HS6ST3: variants seen among roughly 807,000 people sequenced by gnomAD.
The protein encoded by HS6ST3 is heparan-sulfate 6-O-sulfotransferase 3.
In HS6ST3, 12 loss-of-function variants were observed where a neutral mutation model predicts 36.7. The ratio of observed to expected loss-of-function variants is 0.33; its 90% CI spans 0.21 to 0.53. The LOEUF (loss-of-function observed/expected upper bound fraction) is 0.53, where lower values mean the gene tolerates loss of function less well. Among genes scored for constraint, HS6ST3 ranks in the 20% least tolerant of loss-of-function variants. HS6ST3 has a pLI of 0.95. For missense variants in HS6ST3, 584 were observed against 640.9 expected (o/e 0.91, Z 0.96); for synonymous variants, 240 against 257.5 (o/e 0.93, Z 0.65).
Position 96,312,200 on chromosome 13 carries a change from C to G in HS6ST3, c.707+220631C>G, listed in dbSNP as rs1480816363. On this transcript the variant is annotated intron_variant, in intron 1 of 1. Coordinates refer to ENST00000376705, the MANE Select transcript of HS6ST3 (RefSeq NM_153456.4). The stretch of plus-strand genomic sequence containing the variant: ...GTCCACTTAACCCAATAGTATCCAG[C>G]CCCTCTTCATTTCTAAGTAATGCTT... Among the ~76,000 whole-genome samples, 4 of 152,128 alleles carry G rather than the reference C, an allele frequency of 2.6e-5. No homozygotes were observed. The East Asian group carries it at 7.7e-4, about 29-fold the overall frequency.
chr13:96,263,656 C>T (rs886905082), intron 1 of HS6ST3, among the ~76,000 whole-genome samples: 2 of 152,234 alleles, frequency 1.3e-5, no homozygotes, highest in Admixed American at 6.5e-5. Flanking sequence ...GCCCATGATA[C>T]ATAGTTCTTA....
chr13:96,694,719 A>T (rs946728719), intron 1 of HS6ST3, among the ~76,000 whole-genome samples: 2 of 152,158 alleles, frequency 1.3e-5, no homozygotes, highest in Non-Finnish European at 2.9e-5. Context: ...TGACTTTTTA[A>T]TAATAGCCAT....
intron 1 of HS6ST3, among the ~76,000 whole-genome samples, chr13:96,451,783 T>C (rs1050781679): frequency 3.3e-5 from 5 of 152,218 alleles, no homozygotes; most frequent in Non-Finnish European, 5.9e-5. Context: ...ATTTTTGTGA[T>C]AATGAGAGGT....
At chr13:96,699,095 T>C (rs1000679924) in intron 1 of HS6ST3, among the ~76,000 whole-genome samples, 1 of 152,128 alleles carries the variant, frequency 6.6e-6, no homozygotes, top group East Asian at 1.9e-4. Flanking sequence ...ATACAAAAAT[T>C]AATTCAAGCT....
Position 96,550,979 on chromosome 13 carries a change from C to T in HS6ST3, c.708-281511C>T, listed in dbSNP as rs894930501. Among the ~76,000 whole-genome samples, 6 of 152,126 alleles carry T rather than the reference C, an allele frequency of 3.9e-5. No homozygotes were observed. The East Asian group carries it at 1.2e-3, about 29-fold the overall frequency. On this transcript the variant is annotated intron_variant, in intron 1 of 1. Coordinates refer to ENST00000376705, the MANE Select transcript of HS6ST3 (RefSeq NM_153456.4). ...GTAATTATAAAATTATTAACATCAA[C>T]TTTCAGTTATCTTTAGACTTCAAAG...
intron 1 of HS6ST3, among the ~76,000 whole-genome samples, chr13:96,304,253 T>C (rs1187719039): frequency 6.6e-6 from 1 of 152,174 alleles, no homozygotes; most frequent in Non-Finnish European, 1.5e-5. Flanking sequence ...AGGTTAGTCA[T>C]TGATTATTTC....
chr13:96,765,638 C>T (rs1411849347), intron 1 of HS6ST3, among the ~76,000 whole-genome samples: 6 of 151,188 alleles, frequency 4.0e-5, no homozygotes, highest in African/African-American at 9.7e-5. Context: ...CTGTTTCTGT[C>T]TCTGTCTCTC....
At chr13:96,130,136 G>A (rs1332204335) in intron 1 of HS6ST3, among the ~76,000 whole-genome samples, 5 of 152,180 alleles carry the variant, frequency 3.3e-5, no homozygotes, top group Admixed American at 3.3e-4. Flanking sequence ...TGGGGAGAAG[G>A]ATGCTAACTT....
chr13:96,242,636 G>A (rs191002398), intron 1 of HS6ST3, among the ~76,000 whole-genome samples: 14 of 151,450 alleles, frequency 9.2e-5, no homozygotes, highest in Admixed American at 9.2e-4. Context: ...CATATGAAAC[G>A]ATTTCTTTTC....
chr13:96,280,921 G>A (rs1242119612), intron 1 of HS6ST3, among the ~76,000 whole-genome samples: 1 of 152,140 alleles, frequency 6.6e-6, no homozygotes, highest in Non-Finnish European at 1.5e-5. Flanking sequence ...AACAGGGGCT[G>A]TGAATTGTAG....
rs981229146 is a variant in HS6ST3 at position 96,614,004 on chromosome 13, A to G, written c.708-218486A>G. Reference sequence around the variant, plus strand: ...TGAGACAGACTAGTAAACAGGTACAAAAGTTATTACTGGGCCGGGCGCGGT... The same window carrying G: ...TGAGACAGACTAGTAAACAGGTACAGAAGTTATTACTGGGCCGGGCGCGGT... On this transcript the variant is annotated intron_variant, in intron 1 of 1. Coordinates refer to ENST00000376705, the MANE Select transcript of HS6ST3 (RefSeq NM_153456.4). Among the ~76,000 whole-genome samples the G allele has an allele frequency of 9.2e-5, 14 of 152,228 alleles. No homozygotes were observed. The East Asian group carries it at 2.5e-3, about 27-fold the overall frequency.
At chr13:96,390,981 GT>G (rs1244381609) in intron 1 of HS6ST3, among the ~76,000 whole-genome samples, 1 of 152,170 alleles carries the variant, frequency 6.6e-6, no homozygotes, top group Non-Finnish European at 1.5e-5. Flanking sequence ...CACATATAAT[GT>G]TTTTTTCTTC....
intron 1 of HS6ST3, among the ~76,000 whole-genome samples, chr13:96,452,521 G>C (rs553373698): frequency 1.3e-5 from 2 of 150,572 alleles, no homozygotes; most frequent in Non-Finnish European, 3.0e-5. Context: ...TTTCAAAAAT[G>C]TGAATTTTAA....
At chr13:96,216,382 A>G (rs762078430) in intron 1 of HS6ST3, among the ~76,000 whole-genome samples, 1 of 152,192 alleles carries the variant, frequency 6.6e-6, no homozygotes, top group Non-Finnish European at 1.5e-5. Flanking sequence ...CGTTGCCTCA[A>G]TGTTGACTAC....
chr13:96,726,620 T>C (rs1485395249), intron 1 of HS6ST3, among the ~76,000 whole-genome samples: 2 of 152,246 alleles, frequency 1.3e-5, no homozygotes, highest in Non-Finnish European at 2.9e-5. Flanking sequence ...CATTGGACTT[T>C]GTGCATAGAC....
intron 1 of HS6ST3, among the ~76,000 whole-genome samples, chr13:96,098,187 G>A (rs896654084): frequency 5.9e-5 from 9 of 152,166 alleles, no homozygotes; most frequent in African/African-American, 2.2e-4. Context: ...ACTGACAGAT[G>A]TATTTGCCTC....
intron 1 of HS6ST3, among the ~76,000 whole-genome samples, chr13:96,830,144 C>A (rs1878744102): frequency 6.6e-6 from 1 of 151,740 alleles, no homozygotes; most frequent in African/African-American, 2.4e-5. Context: ...GATAAATATG[C>A]CCAATTGTTG....
At chr13:96,822,817 G>A (rs553804926) in intron 1 of HS6ST3, among the ~76,000 whole-genome samples, 1 of 152,242 alleles carries the variant, frequency 6.6e-6, no homozygotes, top group African/African-American at 2.4e-5. Context: ...GAATATAATC[G>A]GGTGAGGGAC....
chr13:96,317,344 A>ATATATAAAAT (rs1555297593), intron 1 of HS6ST3, among the ~76,000 whole-genome samples: 2 of 18,274 alleles, frequency 1.1e-4, no homozygotes, highest in South Asian at 2.9e-3. Context: ...ATATATATAT[A>ATATATAAAAT]TATATATATA....
Sources: allele counts gnomAD v4.1 joint callset (sites outside exome capture counted in the v4.1 genomes callset), GRCh38; gene constraint gnomAD v4.1.1; transcripts MANE v1.5; gene names NCBI Gene and HGNC (gene_info 2026-07-23, HGNC 2026-07-21).